ZNF385D: variants seen among roughly 807,000 people sequenced by gnomAD.
ZNF385D encodes zinc finger protein 385D.
Under a neutral mutation model 35.8 loss-of-function variants are expected in ZNF385D, and 15 were observed. That is an observed-to-expected ratio of 0.42 (90% CI 0.28 to 0.64). The LOEUF (loss-of-function observed/expected upper bound fraction) is 0.64. Among genes scored for constraint, ZNF385D ranks in the 30% least tolerant of loss-of-function variants. The pLI is 0.23. For synonymous variants in ZNF385D, 212 were observed against 186.8 expected, an observed-to-expected ratio of 1.13 and a Z score of -1.10; for missense variants, 474 against 494.6, an observed-to-expected ratio of 0.96 and a Z score of 0.39.
chr3:22,334,908 A>G (rs1198702761), intron 2 of ZNF385D, among the ~76,000 whole-genome samples: 3 of 152,096 alleles, frequency 2.0e-5, no homozygotes, highest in Non-Finnish European at 2.9e-5. Flanking sequence ...GATTTCTCAT[A>G]TATTTTATTT....
intron 4 of ZNF385D, among the ~76,000 whole-genome samples, chr3:21,460,532 T>G (rs998210973): frequency 6.6e-6 from 1 of 151,894 alleles, no homozygotes; most frequent in East Asian, 1.9e-4. Flanking sequence ...AAAAAATTAT[T>G]ATATTGCATT....
intron 4 of ZNF385D, among the ~76,000 whole-genome samples, chr3:21,497,302 G>C (rs997064845): frequency 1.3e-5 from 2 of 152,030 alleles, no homozygotes; most frequent in Non-Finnish European, 2.9e-5. Context: ...ATTCACAACA[G>C]TCAAGAAAAG....
chr3:21,495,935 C>G (rs1458296736), intron 4 of ZNF385D, among the ~76,000 whole-genome samples: 2 of 152,024 alleles, frequency 1.3e-5, no homozygotes, highest in Admixed American at 1.3e-4. Flanking sequence ...TGCACACAAG[C>G]TAGAAAACCT....
intron 3 of ZNF385D, among the ~76,000 whole-genome samples, chr3:21,959,940 C>T (rs1053047008): frequency 6.7e-6 from 1 of 148,660 alleles, no homozygotes; most frequent in African/African-American, 2.5e-5. Context: ...TATAAAACTG[C>T]TAAAAGAAAA....
At chr3:21,987,335 C>G (rs1408152462) in intron 3 of ZNF385D, among the ~76,000 whole-genome samples, 11 of 126,120 alleles carry the variant, frequency 8.7e-5, no homozygotes, top group African/African-American at 3.8e-4. Context: ...TTTAGTGCTT[C>G]CTTCAGGAGC....
At chr3:22,057,023 T>C (rs1249740423) in intron 3 of ZNF385D, among the ~76,000 whole-genome samples, 2 of 152,202 alleles carry the variant, frequency 1.3e-5, no homozygotes, top group African/African-American at 4.8e-5. Flanking sequence ...TTCCATGAAT[T>C]TGTGTCAGAA....
At chr3:21,765,569 T>C (rs1575610895) in intron 3 of ZNF385D, among the ~76,000 whole-genome samples, 3 of 151,888 alleles carry the variant, frequency 2.0e-5, no homozygotes, top group Non-Finnish European at 4.4e-5. Context: ...CAATTGGTGA[T>C]GGGCCCCGGA....
chr3:21,436,887 T>A, intron 5 of ZNF385D, 83 bp downstream of exon 5: 2 of 1,309,574 alleles, frequency 1.5e-6, no homozygotes, highest in Non-Finnish European at 2.1e-6. Context: ...CACCCCTTTG[T>A]CCCCTGCTGC....
chr3:22,162,431 G>C (rs1484107262), intron 3 of ZNF385D, among the ~76,000 whole-genome samples: 2 of 150,750 alleles, frequency 1.3e-5, no homozygotes, highest in African/African-American at 2.5e-5. Flanking sequence ...CCAAAACTAA[G>C]ATTAACTCAA....
At chr3:21,682,225 C>T (rs2066938528) in intron 1 of ZNF385D, among the ~76,000 whole-genome samples, 1 of 132,802 alleles carries the variant, frequency 7.5e-6, no homozygotes, top group Admixed American at 7.4e-5. Flanking sequence ...TAGCTTTGTC[C>T]TTTTAAGTTA....
chr3:21,899,322 A>G (rs1238401312), intron 3 of ZNF385D, among the ~76,000 whole-genome samples: 1 of 152,148 alleles, frequency 6.6e-6, no homozygotes, highest in Non-Finnish European at 1.5e-5. Flanking sequence ...TATATAAATA[A>G]AATCAAGATT....
chr3:21,936,591 T>C (rs1297351708), intron 3 of ZNF385D, among the ~76,000 whole-genome samples: 1 of 152,046 alleles, frequency 6.6e-6, no homozygotes, highest in Non-Finnish European at 1.5e-5. Context: ...TATTATAGGT[T>C]TGATTGTTAA....
chr3:21,860,450 A>G (rs1400919449), intron 3 of ZNF385D, among the ~76,000 whole-genome samples: 1 of 148,524 alleles, frequency 6.7e-6, no homozygotes, highest in Non-Finnish European at 1.5e-5. Context: ...TAAATACTTA[A>G]AAACTCACAA....
intron 2 of ZNF385D, among the ~76,000 whole-genome samples, chr3:21,637,083 T>C (rs1215417803): frequency 2.0e-5 from 3 of 152,162 alleles, no homozygotes; most frequent in Admixed American, 2.0e-4. Flanking sequence ...CCTTTTGCTG[T>C]GCAGAAGCTC....
At chr3:21,840,435 T>C (rs1444003608) in intron 3 of ZNF385D, among the ~76,000 whole-genome samples, 3 of 152,100 alleles carry the variant, frequency 2.0e-5, no homozygotes, top group Non-Finnish European at 2.9e-5. Flanking sequence ...TTCCCTGATA[T>C]CTTCATATCG....
At chr3:22,287,941 G>C (rs1323681199) in intron 2 of ZNF385D, among the ~76,000 whole-genome samples, 3 of 151,980 alleles carry the variant, frequency 2.0e-5, no homozygotes, top group African/African-American at 7.2e-5. Context: ...AGGAAGTTCA[G>C]TGGGAATAAA....
intron 3 of ZNF385D, among the ~76,000 whole-genome samples, chr3:21,858,156 T>C: frequency 1.9e-5 from 1 of 53,924 alleles, no homozygotes; most frequent in African/African-American, 8.4e-5. Flanking sequence ...CAAGAGTCTA[T>C]CAAAAAAAAA....
At chr3:22,110,262 A>G (rs1702443327) in intron 3 of ZNF385D, among the ~76,000 whole-genome samples, 1 of 152,014 alleles carries the variant, frequency 6.6e-6, no homozygotes, top group African/African-American at 2.4e-5. Flanking sequence ...TAGAAATACC[A>G]TTTGACCCAG....
At chr3:21,938,543 C>T (rs1701369399) in intron 3 of ZNF385D, among the ~76,000 whole-genome samples, 1 of 152,148 alleles carries the variant, frequency 6.6e-6, no homozygotes. Context: ...GGATTTTTCT[C>T]CACTCCCTAC....
Sources: gnomAD v4.1 joint callset for allele counts (sites outside exome capture counted in the v4.1 genomes callset) on GRCh38, gnomAD v4.1.1 for gene constraint, MANE v1.5 for transcripts, NCBI Gene and HGNC (gene_info 2026-07-23, HGNC 2026-07-21) for gene names.